The following LHFPL3 variants were observed in gnomAD, a reference collection of about 807,000 sequenced individuals.
LHFPL3 encodes LHFPL tetraspan subfamily member 3 protein.
LHFPL3 carries 5 observed loss-of-function variants against 19.3 expected under a neutral mutation model. That is an observed-to-expected ratio of 0.26 (90% CI 0.14 to 0.54). LHFPL3 has a LOEUF of 0.54. LHFPL3 is among the 20% of genes least tolerant of loss of function. The pLI, the probability that LHFPL3 is intolerant of heterozygous loss-of-function variation, is 0.94. For missense variants in LHFPL3, 249 were observed against 307.4 expected (o/e 0.81, Z 1.42); for synonymous variants, 133 against 126.2 (o/e 1.05, Z -0.36).
chr7:104,360,407 A>G (rs911646108), intron 1 of LHFPL3, among the ~76,000 whole-genome samples: 4 of 152,208 alleles, frequency 2.6e-5, no homozygotes, highest in Admixed American at 2.6e-4. Flanking sequence ...GTAAGATCTT[A>G]ATGAATGCTT....
At chr7:104,473,807 C>T (rs553501428) in intron 1 of LHFPL3, among the ~76,000 whole-genome samples, 1 of 152,324 alleles carries the variant, frequency 6.6e-6, no homozygotes, top group Middle Eastern at 3.4e-3. Context: ...TTGAATTTCA[C>T]AAACCATCTG....
chr7:104,419,989 C>A lies in LHFPL3; in HGVS notation c.445+90765C>A, dbSNP rs138842533. On this transcript the variant is annotated intron_variant, in intron 1 of 2. Coordinates refer to ENST00000424859, the MANE Select transcript of LHFPL3 (RefSeq NM_199000.3). ...AAACAAACAACAACAACAACAACAA[C>A]AAAAAACAGTGGAGGCAAAGCAAGG... Among the ~76,000 whole-genome samples, 566 of 152,214 alleles carry A rather than the reference C, an allele frequency of 3.7e-3. 2 individuals are homozygous for A. The highest frequency in any genetic ancestry group is 6.9e-3 in the South Asian group (33 of 4,802).
intron 1 of LHFPL3, among the ~76,000 whole-genome samples, chr7:104,682,606 T>G (rs576030967): frequency 2.4e-4 from 36 of 152,232 alleles, no homozygotes; most frequent in Non-Finnish European, 4.7e-4. Context: ...GGCCAAGGTG[T>G]GAGGCTGGCT....
At chr7:104,606,378 A>G (rs1791103223) in intron 1 of LHFPL3, among the ~76,000 whole-genome samples, 1 of 152,240 alleles carries the variant, frequency 6.6e-6, no homozygotes, top group African/African-American at 2.4e-5. Context: ...GGTCATGTCT[A>G]CAGACAACAC....
intron 2 of LHFPL3, among the ~76,000 whole-genome samples, chr7:104,904,248 G>T (rs1226522696): frequency 6.6e-6 from 1 of 152,118 alleles, no homozygotes; most frequent in Non-Finnish European, 1.5e-5. Flanking sequence ...TTTTAAGTGT[G>T]TTGAAAAACA....
chr7:104,395,270 T>A (rs1791160596), intron 1 of LHFPL3, among the ~76,000 whole-genome samples: 1 of 152,184 alleles, frequency 6.6e-6, no homozygotes, highest in Admixed American at 6.5e-5. Flanking sequence ...TCCTGAATAC[T>A]GTGTCCACAG....
At chr7:104,726,209 G>A (rs576666810) in intron 1 of LHFPL3, among the ~76,000 whole-genome samples, 11 of 152,148 alleles carry the variant, frequency 7.2e-5, no homozygotes, top group East Asian at 5.8e-4. Context: ...ATTTTAGAGT[G>A]TATTGTCTAG....
intron 1 of LHFPL3, among the ~76,000 whole-genome samples, chr7:104,340,489 A>C (rs189647227): frequency 5.8e-4 from 89 of 152,314 alleles, no homozygotes; most frequent in Non-Finnish European, 1.0e-3. Flanking sequence ...ACTCAAAAAA[A>C]TGTTAGCTAT....
At chr7:104,343,241 G>A (rs943755817) in intron 1 of LHFPL3, among the ~76,000 whole-genome samples, 11 of 151,946 alleles carry the variant, frequency 7.2e-5, no homozygotes, top group African/African-American at 2.7e-4. Flanking sequence ...AAGGCTGGGT[G>A]TGGTGACTCT....
Position 104,383,715 on chromosome 7 carries a change from T to C in LHFPL3, c.445+54491T>C, listed in dbSNP as rs561800105. Among the ~76,000 whole-genome samples, 7 of 152,328 alleles carry C rather than the reference T, an allele frequency of 4.6e-5. No individual in the cohort carries two copies. In the South Asian group the frequency reaches 1.5e-3, roughly 32 times the overall value. On this transcript the variant is annotated intron_variant, in intron 1 of 2. Coordinates refer to ENST00000424859, the MANE Select transcript of LHFPL3 (RefSeq NM_199000.3). ...CAGTATTTAAAATTTAAAGGTAAGATTGTAGGAATTGCTTATCCTTTTTTT... is the reference window on the plus strand; with the variant it reads ...CAGTATTTAAAATTTAAAGGTAAGACTGTAGGAATTGCTTATCCTTTTTTT...
At chr7:104,501,740 T>G (rs1793602153) in intron 1 of LHFPL3, among the ~76,000 whole-genome samples, 1 of 152,150 alleles carries the variant, frequency 6.6e-6, no homozygotes, top group Non-Finnish European at 1.5e-5. Context: ...AAAGAAAGTT[T>G]GAAAGAAAGT....
At chr7:104,574,455 T>C (rs1790285021) in intron 1 of LHFPL3, among the ~76,000 whole-genome samples, 1 of 152,212 alleles carries the variant, frequency 6.6e-6, no homozygotes, top group African/African-American at 2.4e-5. Flanking sequence ...GGACTTTACA[T>C]TTTTGAAGTA....
intron 1 of LHFPL3, among the ~76,000 whole-genome samples, chr7:104,544,858 C>T (rs1376434618): frequency 2.0e-5 from 3 of 152,080 alleles, no homozygotes; most frequent in South Asian, 2.1e-4. Context: ...AAGCTGACCC[C>T]GGAGAAACAA....
At chr7:104,346,249 T>G (rs1790062168) in intron 1 of LHFPL3, among the ~76,000 whole-genome samples, 1 of 152,090 alleles carries the variant, frequency 6.6e-6, no homozygotes, top group Non-Finnish European at 1.5e-5. Context: ...TTGGCCAGGC[T>G]GGTCTCGAAC....
intron 1 of LHFPL3, among the ~76,000 whole-genome samples, chr7:104,459,344 T>C (rs1792612284): frequency 6.6e-6 from 1 of 152,230 alleles, no homozygotes; most frequent in African/African-American, 2.4e-5. Context: ...CTTTGAATGT[T>C]GCCTGAAGTA....
At chr7:104,461,991 G>T (rs1792673740) in intron 1 of LHFPL3, among the ~76,000 whole-genome samples, 2 of 152,070 alleles carry the variant, frequency 1.3e-5, no homozygotes, top group South Asian at 4.1e-4. Flanking sequence ...AGTATTCCTA[G>T]GTATTTTATT....
chr7:104,594,628 G>C (rs1427554744), intron 1 of LHFPL3, among the ~76,000 whole-genome samples: 3 of 152,132 alleles, frequency 2.0e-5, no homozygotes, highest in Non-Finnish European at 4.4e-5. Context: ...ATCCTGAATA[G>C]TGTTTTCCAC....
intron 1 of LHFPL3, among the ~76,000 whole-genome samples, chr7:104,596,170 C>T (rs1790853856): frequency 6.6e-6 from 1 of 152,232 alleles, no homozygotes; most frequent in Admixed American, 6.5e-5. Context: ...CAGACTGGAG[C>T]TGTTCCTATT....
intron 1 of LHFPL3, among the ~76,000 whole-genome samples, chr7:104,659,416 G>C (rs1268226491): frequency 1.3e-5 from 2 of 152,146 alleles, no homozygotes; most frequent in Non-Finnish European, 2.9e-5. Flanking sequence ...ATTGTTGTTC[G>C]GTCATTCAGT....
Sources: allele counts gnomAD v4.1 joint callset (sites outside exome capture counted in the v4.1 genomes callset), GRCh38; gene constraint gnomAD v4.1.1; transcripts MANE v1.5; gene names NCBI Gene and HGNC (gene_info 2026-07-23, HGNC 2026-07-21).